Variants in RAB3IL1 observed in about 807,000 individuals in gnomAD.
RAB3IL1 encodes RAB3A interacting protein like 1.
In RAB3IL1, 37 loss-of-function variants were observed where a neutral mutation model predicts 49.2. The ratio of observed to expected loss-of-function variants is 0.75; its 90% CI spans 0.58 to 0.99. RAB3IL1 has a LOEUF of 0.99. Among genes scored for constraint, RAB3IL1 ranks in the 50% least tolerant of loss-of-function variants. The pLI, the probability that RAB3IL1 is intolerant of heterozygous loss-of-function variation, is 0.00. For synonymous variants in RAB3IL1, 193 were observed against 213.9 expected (o/e 0.90, Z 0.85); for missense variants, 484 against 513.0 (o/e 0.94, Z 0.55).
rs956509996 is a variant in RAB3IL1 at position 61,906,886 on chromosome 11, T to G, written c.439-202A>C. 6.6e-6 allele frequency among the ~76,000 whole-genome samples: 1 copy of G among 152,160 alleles called. No individual in the cohort carries two copies. The highest frequency in any genetic ancestry group is 1.5e-5 in the Non-Finnish European group (1 of 68,016). ...GAAACTGAGGCTCACAGAGGCGACA[T>G]GGCCTGCCCAAGGTCACTCTGTGAG... is the stretch of plus-strand genomic sequence containing the variant. On this transcript the variant is annotated intron_variant, in intron 4 of 9. Transcript: ENST00000394836. The surrounding 1 kb of genome is among the most constrained non-coding windows in gnomAD (Gnocchi z 4.6).
Position 61,904,808 on chromosome 11 carries a change from C to G in RAB3IL1, c.732G>C (p.Leu244=), listed in dbSNP as rs1256816604. 6.2e-7 allele frequency: 1 copy of G among 1,611,540 alleles called. No individual in the cohort carries two copies. The highest frequency in any genetic ancestry group is 1.1e-5 in the South Asian group (1 of 90,536). The change falls in exon 6 of 10, where the codon CTG becomes CTC. Residue 244 remains leucine (L), a synonymous_variant. Transcript: ENST00000394836. ...CCACGTCCTCTCGGTACACCCTTTC[C>G]AGGAAGGGGCAGGTCTTGTCCAGGG... ...SPTLDKTCPF[L]ERVYREDVGP... is the part of the protein sequence containing the mutation.
At chr11:61,936,605 G>C in the RAB3IL1 span, among the ~76,000 whole-genome samples, 11 of 152,172 alleles carry the variant, frequency 7.2e-5, no homozygotes, top group Admixed American at 3.9e-4. Context: ...ACCTCCCAAA[G>C]TGCTGGGATC....
upstream of RAB3IL1, among the ~76,000 whole-genome samples, chr11:61,925,261 A>G (rs1939977201): frequency 6.6e-6 from 1 of 152,146 alleles, no homozygotes; most frequent in African/African-American, 2.4e-5. Flanking sequence ...TTATCTCTCC[A>G]CCAGTCACTC....
chr11:61,920,950 CTG>C (rs1254532534), upstream of RAB3IL1, among the ~76,000 whole-genome samples: 1 of 152,158 alleles, frequency 6.6e-6, no homozygotes, highest in Non-Finnish European at 1.5e-5. Context: ...AAACAAAAAA[CTG>C]TTATTTTTTA....
At chr11:61,942,470 A>AAAACAAAC in the RAB3IL1 span, among the ~76,000 whole-genome samples, 20 of 151,122 alleles carry the variant, frequency 1.3e-4, no homozygotes, top group Admixed American at 8.6e-4. Context: ...AATAAATTAA[A>AAAACAAAC]AAACAAACAA....
At chr11:61,933,120 T>C in the RAB3IL1 span, among the ~76,000 whole-genome samples, 1 of 152,272 alleles carries the variant, frequency 6.6e-6, no homozygotes, top group African/African-American at 2.4e-5. Context: ...ACCATAACTG[T>C]GGTAGGATAA....
At chr11:61,901,051 A>G (rs1221980157) in intron 8 of RAB3IL1, among the ~76,000 whole-genome samples, 1 of 152,010 alleles carries the variant, frequency 6.6e-6, no homozygotes, top group African/African-American at 2.4e-5. Flanking sequence ...CTTTTGGTAA[A>G]TGGGTGCTCA....
At chr11:61,944,854 T>G in the RAB3IL1 span, among the ~76,000 whole-genome samples, 2 of 152,134 alleles carry the variant, frequency 1.3e-5, no homozygotes, top group Non-Finnish European at 2.9e-5. Flanking sequence ...TGCGCCACCA[T>G]GCCTGGCTAC....
In RAB3IL1 at chr11:61,907,302, C is replaced by T. The variant is rs1328081839; in HGVS notation, c.438+91G>A. On this transcript the variant is annotated intron_variant, in intron 4 of 9. Coordinates refer to ENST00000394836, the MANE Select transcript of RAB3IL1 (RefSeq NM_013401.4). Reference sequence around the variant, plus strand: ...TGCTGGCCCCACCGGGCCAGGTGAGCGTCCACTCGGGCAGCAAAGCTCAGT... The same window carrying T: ...TGCTGGCCCCACCGGGCCAGGTGAGTGTCCACTCGGGCAGCAAAGCTCAGT... 45 of 1,360,868 alleles carry T rather than the reference C, an allele frequency of 3.3e-5. No individual in the cohort carries two copies. In the South Asian group the frequency reaches 3.6e-4, roughly 11 times the overall value. 84.3% of individuals were successfully genotyped at this position (1,360,868 alleles called of 1,614,324 possible). A position where few individuals can be genotyped will look rare whatever the true frequency, so the allele number is the denominator to read the frequency against.
At chr11:61,940,811 TCA>T in the RAB3IL1 span, among the ~76,000 whole-genome samples, 1 of 151,476 alleles carries the variant, frequency 6.6e-6, no homozygotes, top group Non-Finnish European at 1.5e-5. Context: ...TCCCAGCTAC[TCA>T]GGAGGCTGAG....
At chr11:61,934,491 TA>T in the RAB3IL1 span, among the ~76,000 whole-genome samples, 1 of 130,680 alleles carries the variant, frequency 7.7e-6, no homozygotes, top group South Asian at 2.2e-4. Flanking sequence ...TATATATATA[TA>T]TATTCTATGC....
At chr11:61,931,750 G>A in the RAB3IL1 span, among the ~76,000 whole-genome samples, 2 of 152,036 alleles carry the variant, frequency 1.3e-5, no homozygotes, top group Non-Finnish European at 2.9e-5. Context: ...TTCTATGAAA[G>A]TAAACATTCA....
chr11:61,902,907 A>G (rs1349683221), intron 7 of RAB3IL1, among the ~76,000 whole-genome samples: 2 of 152,056 alleles, frequency 1.3e-5, no homozygotes, highest in Non-Finnish European at 2.9e-5. Context: ...ACTAGGCCAG[A>G]GTTGAGGTCT....
At chr11:61,920,509 C>T (rs546493734), upstream of RAB3IL1, among the ~76,000 whole-genome samples, 2 of 152,338 alleles carry the variant, frequency 1.3e-5, no homozygotes, top group African/African-American at 2.4e-5. Context: ...CCCCTCACCA[C>T]GCAGGCTGGG....
chr11:61,930,721 T>C, the RAB3IL1 span, among the ~76,000 whole-genome samples: 4 of 152,208 alleles, frequency 2.6e-5, no homozygotes, highest in Non-Finnish European at 5.9e-5. Flanking sequence ...AAGGCTGCAG[T>C]GAGCTGTGAT....
intron 1 of RAB3IL1, among the ~76,000 whole-genome samples, chr11:61,914,875 C>T (rs1939610185): frequency 6.6e-6 from 1 of 152,150 alleles, no homozygotes; most frequent in Non-Finnish European, 1.5e-5. Flanking sequence ...TCAACAGTCC[C>T]AAATATACAC....
chr11:61,904,175 C>G (rs951231297), intron 7 of RAB3IL1, among the ~76,000 whole-genome samples: 2 of 152,066 alleles, frequency 1.3e-5, no homozygotes, highest in Non-Finnish European at 2.9e-5. Context: ...GCCCCTTGCT[C>G]CACCCTGGCT....
At position 61,916,013 on chromosome 11, in the gene RAB3IL1, C is replaced by CA. The variant is rs1378382333; in HGVS notation, c.11+1343dup. Among the ~76,000 whole-genome samples, 3 of 136,398 alleles carry CA rather than the reference C, an allele frequency of 2.2e-5. No individual in the cohort carries two copies. The East Asian group carries it at 6.4e-4, about 29-fold the overall frequency. The allele number at this position is 136,398 out of a possible 152,430, so 89.5% of individuals were successfully genotyped here. On this transcript the variant is annotated intron_variant, in intron 1 of 9. Coordinates refer to ENST00000394836, the MANE Select transcript of RAB3IL1 (RefSeq NM_013401.4). ...CGCCACTGCACTCCAGCCTGGGCGA[C>CA]AGAGTGACACTCTGTCTCAAAAAAA...
intron 8 of RAB3IL1, among the ~76,000 whole-genome samples, chr11:61,900,722 G>A (rs542668309): frequency 6.6e-6 from 1 of 152,252 alleles, no homozygotes; most frequent in South Asian, 2.1e-4. Context: ...GGTCTTTCAG[G>A]GCAGGGACCA....
Sources: gnomAD v4.1 joint callset for allele counts (sites outside exome capture counted in the v4.1 genomes callset) on GRCh38, gnomAD v4.1.1 for gene constraint, Gnocchi (gnomAD v3.1) non-coding constraint, MANE v1.5 for transcripts, NCBI Gene and HGNC (gene_info 2026-07-23, HGNC 2026-07-21) for gene names.